ZDHHC14: variants seen among roughly 807,000 people sequenced by gnomAD.
The protein encoded by ZDHHC14 is zDHHC palmitoyltransferase 14.
ZDHHC14 carries 16 observed loss-of-function variants against 47.7 expected under a neutral mutation model. The observed-to-expected ratio is 0.34, with a 90% CI of 0.23 to 0.51. The LOEUF (loss-of-function observed/expected upper bound fraction) is 0.51, where lower values mean the gene tolerates loss of function less well. Ranked by LOEUF, ZDHHC14 falls within the 20% of genes least tolerant of loss-of-function variation. The pLI is 0.97. For synonymous variants in ZDHHC14, 293 were observed against 278.9 expected (o/e 1.05, Z -0.50); for missense variants, 515 against 662.5 (o/e 0.78, Z 2.44).
At chr6:157,603,953 T>C (rs1784434238) in intron 3 of ZDHHC14, among the ~76,000 whole-genome samples, 1 of 152,180 alleles carries the variant, frequency 6.6e-6, no homozygotes, top group Non-Finnish European at 1.5e-5. Flanking sequence ...CATTTGGCTC[T>C]CTGTATTCAT....
chr6:157,535,992 A>G (rs1369671140), intron 1 of ZDHHC14, among the ~76,000 whole-genome samples: 1 of 152,202 alleles, frequency 6.6e-6, no homozygotes, highest in Non-Finnish European at 1.5e-5. Flanking sequence ...GGTCATTTCT[A>G]TTGCAACCCT....
rs868299179 is a variant in ZDHHC14, at chr6:157,399,953, G to T, written c.245+17687G>T. ...ATTTGTGTTGTCACCATCAGGGCTG[G>T]ATTAAAACCTTTCAAAAGCCATCAA... On this transcript the variant is annotated intron_variant, in intron 1 of 8. Transcript: ENST00000359775. Among the ~76,000 whole-genome samples the T allele has an allele frequency of 5.5e-4, 84 of 152,308 alleles. 1 individual carries two copies. The highest frequency in any genetic ancestry group is 3.4e-3 in the Middle Eastern group (1 of 294).
intron 3 of ZDHHC14, among the ~76,000 whole-genome samples, chr6:157,611,014 G>GT (rs1409355256): frequency 6.6e-6 from 1 of 152,120 alleles, no homozygotes; most frequent in Non-Finnish European, 1.5e-5. Flanking sequence ...ATTTTTGTTT[G>GT]TTTTTGTTTT....
intron 5 of ZDHHC14, among the ~76,000 whole-genome samples, chr6:157,642,066 A>ATAGATAGT (rs552956844): frequency 0.045 from 6,647 of 147,602 alleles, 190 homozygotes; most frequent in East Asian, 0.11. Context: ...AGATAGATAG[A>ATAGATAGT]TAGTTATCAT....
chr6:157,636,561 C>CT lies in ZDHHC14; in HGVS notation c.752+3679_752+3680insT, dbSNP rs1583053622. 2.6e-5 allele frequency among the ~76,000 whole-genome samples: 4 copies of CT among 152,070 alleles called. No individual in the cohort carries two copies. In the East Asian group the frequency reaches 7.7e-4, roughly 29 times the overall value. ...TCTTGTGGCACCTACATTATGGACC[C>CT]GAGGTCCTGCTGGGCTCCTGCCTGG... On this transcript the variant is annotated intron_variant, in intron 5 of 8. Coordinates refer to ENST00000359775, the MANE Select transcript of ZDHHC14 (RefSeq NM_024630.3).
At chr6:157,459,811 A>T (rs1020599159) in intron 1 of ZDHHC14, among the ~76,000 whole-genome samples, 2 of 152,170 alleles carry the variant, frequency 1.3e-5, no homozygotes, top group Non-Finnish European at 2.9e-5. Context: ...ATGGTGGCTC[A>T]CACCTGTAAT....
intron 1 of ZDHHC14, among the ~76,000 whole-genome samples, chr6:157,416,815 T>G (rs978898980): frequency 2.0e-5 from 3 of 150,430 alleles, no homozygotes; most frequent in African/African-American, 7.3e-5. Flanking sequence ...AAATTTTTTT[T>G]TTTTTTTTGA....
intron 1 of ZDHHC14, among the ~76,000 whole-genome samples, chr6:157,401,477 C>A (rs1396644925): frequency 6.6e-6 from 1 of 152,190 alleles, no homozygotes; most frequent in Non-Finnish European, 1.5e-5. Flanking sequence ...TTGTGAGATG[C>A]GCACCTGCTG....
rs552286203 is a variant in ZDHHC14, at chr6:157,475,829, T to C, written c.246-66756T>C. Among the ~76,000 whole-genome samples the C allele has an allele frequency of 3.9e-5, 6 of 152,198 alleles. No homozygotes were observed. The East Asian group carries it at 1.2e-3, about 29-fold the overall frequency. On this transcript the variant is annotated intron_variant, in intron 1 of 8. Coordinates refer to ENST00000359775, the MANE Select transcript of ZDHHC14 (RefSeq NM_024630.3). ...GATGTGAAAATTAAACAACATGCCC[T>C]TAGACAACCAATTTCTTCTTTGATG...
intron 1 of ZDHHC14, among the ~76,000 whole-genome samples, chr6:157,482,390 A>T (rs1779653577): frequency 6.7e-6 from 1 of 148,604 alleles, no homozygotes; most frequent in Non-Finnish European, 1.5e-5. Context: ...AGTAGCTGGG[A>T]TTACAGGCAC....
intron 1 of ZDHHC14, among the ~76,000 whole-genome samples, chr6:157,450,987 A>G (rs1368209286): frequency 1.4e-5 from 2 of 146,208 alleles, no homozygotes; most frequent in African/African-American, 2.5e-5. Context: ...TTTGATGTCA[A>G]AAGTCTGGTC....
chr6:157,630,375 G>A (rs1562517658), intron 4 of ZDHHC14: 1 of 152,184 alleles, frequency 6.6e-6, no homozygotes, highest in East Asian at 1.9e-4. Context: ...CATTGTGGAT[G>A]TCAAGGGCCA....
At chr6:157,497,749 G>T (rs9457611) in intron 1 of ZDHHC14, among the ~76,000 whole-genome samples, 1 of 152,154 alleles carries the variant, frequency 6.6e-6, no homozygotes, top group East Asian at 1.9e-4. Flanking sequence ...AACCCAACAC[G>T]CTCATTTTCA....
chr6:157,538,462 G>A (rs1005400901), intron 1 of ZDHHC14, among the ~76,000 whole-genome samples: 4 of 152,176 alleles, frequency 2.6e-5, no homozygotes, highest in African/African-American at 9.7e-5. Flanking sequence ...CCTCTTTCAG[G>A]TGTTACAGTA....
rs866086609 is a variant in ZDHHC14 at position 157,454,498 on chromosome 6, C to T, written c.245+72232C>T. Reference sequence around the variant, plus strand: ...TAAAATGCTTTTAATGCAGCTTCTTCTTTTTTTTTTTTTTTTTTGCCACGA... The same window carrying T: ...TAAAATGCTTTTAATGCAGCTTCTTTTTTTTTTTTTTTTTTTTTGCCACGA... On this transcript the variant is annotated intron_variant, in intron 1 of 8. Coordinates refer to ENST00000359775, the MANE Select transcript of ZDHHC14 (RefSeq NM_024630.3). Among the ~76,000 whole-genome samples, 29 of 127,688 alleles carry T rather than the reference C, an allele frequency of 2.3e-4. 1 individual carries two copies. The highest frequency in any genetic ancestry group is 7.7e-4 in the African/African-American group (26 of 33,706). 83.8% of individuals were successfully genotyped at this position (127,688 alleles called of 152,430 possible).
At position 157,582,373 on chromosome 6, in the gene ZDHHC14, T is replaced by C. The variant is rs1783548898; in HGVS notation, c.407-10615T>C. 2.0e-5 allele frequency among the ~76,000 whole-genome samples: 3 copies of C among 152,254 alleles called. No homozygotes were observed. The highest frequency in any genetic ancestry group is 6.5e-5 in the Admixed American group (1 of 15,276). ...AGTGTGTTTTTGTAGTGGCTGGTAA[T>C]GGTCCTTCCTTTCCATATTTAGTGC... is the stretch of plus-strand genomic sequence containing the variant. On this transcript the variant is annotated intron_variant, in intron 2 of 8. Transcript: ENST00000359775. This position sits in a 1 kb window ranked among gnomAD's most constrained non-coding sequence, Gnocchi z 4.3.
At position 157,636,570 on chromosome 6, in the gene ZDHHC14, GC is replaced by G. The variant is rs1285225398; in HGVS notation, c.752+3689del. Among the ~76,000 whole-genome samples, 4 of 152,138 alleles carry G rather than the reference GC, an allele frequency of 2.6e-5. No homozygotes were observed. In the East Asian group the frequency reaches 7.7e-4, roughly 29 times the overall value. On this transcript the variant is annotated intron_variant, in intron 5 of 8. Transcript: ENST00000359775. The stretch of plus-strand genomic sequence containing the variant: ...ACCTACATTATGGACCCGAGGTCCT[GC>G]TGGGCTCCTGCCTGGGAAAAGGAGA...
chr6:157,504,198 T>C (rs1780258921), intron 1 of ZDHHC14, among the ~76,000 whole-genome samples: 1 of 152,108 alleles, frequency 6.6e-6, no homozygotes, highest in Non-Finnish European at 1.5e-5. Context: ...ATATATTTTT[T>C]TTTTGTTTGC....
rs34696696 is a variant in ZDHHC14 at position 157,668,522 on chromosome 6, T to TAA, written c.1069-4183_1069-4182dup. 6.5e-3 allele frequency among the ~76,000 whole-genome samples: 801 copies of TAA among 123,904 alleles called. 5 individuals are homozygous for TAA. The highest frequency in any genetic ancestry group is 0.013 in the Middle Eastern group (3 of 224). 81.3% of individuals were successfully genotyped at this position (123,904 alleles called of 152,430 possible). A position where few individuals can be genotyped will look rare whatever the true frequency, so the allele number is the denominator to read the frequency against. On this transcript the variant is annotated intron_variant, in intron 8 of 8. Coordinates refer to ENST00000359775, the MANE Select transcript of ZDHHC14 (RefSeq NM_024630.3). ...AACACAGTAAAACCCCCATCTCCAC[T>TAA]AAAAAAAAAAAAAAAAAAAATACAA...
Sources: gnomAD v4.1 joint callset for allele counts (sites outside exome capture counted in the v4.1 genomes callset) on GRCh38, gnomAD v4.1.1 for gene constraint, Gnocchi (gnomAD v3.1) non-coding constraint, MANE v1.5 for transcripts, NCBI Gene and HGNC (gene_info 2026-07-23, HGNC 2026-07-21) for gene names.